The following ATXN1 variants were observed in gnomAD, a reference collection of about 807,000 sequenced individuals.
ATXN1 encodes ataxin-1.
Under a neutral mutation model 56.4 loss-of-function variants are expected in ATXN1, and 8 were observed. The ratio of observed to expected loss-of-function variants is 0.14; its 90% confidence interval spans 0.08 to 0.26. The LOEUF is 0.26. ATXN1 is among the 10% of genes least tolerant of loss of function. ATXN1 has a pLI of 1.00. For synonymous variants in ATXN1, 514 were observed against 494.6 expected, an observed-to-expected ratio of 1.04 and a Z score of -0.52; for missense variants, 987 against 1,106.5, an observed-to-expected ratio of 0.89 and a Z score of 1.53.
At chr6:16,653,674 A>G (rs1406784355) in intron 3 of ATXN1, among the ~76,000 whole-genome samples, 1 of 152,184 alleles carries the variant, frequency 6.6e-6, no homozygotes, top group Non-Finnish European at 1.5e-5. Flanking sequence ...CAAAAGATAA[A>G]GAGACAAAAA....
intron 2 of ATXN1, among the ~76,000 whole-genome samples, chr6:16,682,066 C>T (rs1758823623): frequency 1.3e-5 from 2 of 152,238 alleles, no homozygotes; most frequent in African/African-American, 2.4e-5. Flanking sequence ...TACCTGCCAA[C>T]ATCTGTATCT....
chr6:16,648,014 G>A (rs1285467588), intron 3 of ATXN1, among the ~76,000 whole-genome samples: 1 of 152,212 alleles, frequency 6.6e-6, no homozygotes, highest in Non-Finnish European at 1.5e-5. Flanking sequence ...GGCGGAGGCT[G>A]CAGTGAGCCG....
At chr6:16,461,377 T>G (rs1231027054) in intron 6 of ATXN1, among the ~76,000 whole-genome samples, 1 of 152,174 alleles carries the variant, frequency 6.6e-6, no homozygotes, top group East Asian at 1.9e-4. Flanking sequence ...TTGAGAACAC[T>G]CATCAAATGG....
chr6:16,346,621 T>C (rs1224885243), intron 6 of ATXN1, among the ~76,000 whole-genome samples: 1 of 152,244 alleles, frequency 6.6e-6, no homozygotes, highest in Non-Finnish European at 1.5e-5. Context: ...TGATAACTCG[T>C]GACTTTAGGA....
intron 6 of ATXN1, among the ~76,000 whole-genome samples, chr6:16,464,407 A>G (rs1296130703): frequency 6.6e-6 from 1 of 152,134 alleles, no homozygotes; most frequent in Non-Finnish European, 1.5e-5. Context: ...ATAAGGGAAT[A>G]AAAGCTGGCC....
intron 6 of ATXN1, among the ~76,000 whole-genome samples, chr6:16,406,207 C>T (rs765062799): frequency 1.4e-4 from 22 of 152,228 alleles, no homozygotes; most frequent in Middle Eastern, 6.8e-3. Flanking sequence ...AAAAGTGGAA[C>T]ATGTGAAGGA....
chr6:16,657,632 C>T (rs975435044), intron 3 of ATXN1, 144 bp downstream of exon 3: 6 of 152,196 alleles, frequency 3.9e-5, no homozygotes, highest in Non-Finnish European at 8.8e-5. Flanking sequence ...TGCTCTGTCA[C>T]TAGGACAACA....
At chr6:16,629,131 A>C (rs1395609731) in intron 3 of ATXN1, among the ~76,000 whole-genome samples, 2 of 152,120 alleles carry the variant, frequency 1.3e-5, no homozygotes, top group Non-Finnish European at 2.9e-5. Context: ...ATCAGCATCC[A>C]ACTGGTTATT....
intron 4 of ATXN1, among the ~76,000 whole-genome samples, chr6:16,545,617 TG>T (rs1020681559): frequency 1.1e-4 from 17 of 152,242 alleles, no homozygotes; most frequent in African/African-American, 3.6e-4. Flanking sequence ...AACAACCTTG[TG>T]GGGTGGTTGA....
At chr6:16,656,731 A>G (rs749009907) in intron 3 of ATXN1, among the ~76,000 whole-genome samples, 2 of 152,166 alleles carry the variant, frequency 1.3e-5, no homozygotes, top group Non-Finnish European at 2.9e-5. Flanking sequence ...TGACAGGGAT[A>G]TGCTCTGAGA....
chr6:16,466,644 G>A (rs1038825223), intron 6 of ATXN1, among the ~76,000 whole-genome samples: 5 of 152,056 alleles, frequency 3.3e-5, no homozygotes, highest in South Asian at 4.2e-4. Context: ...AAGAAATTTC[G>A]GAAAAGTAGA....
chr6:16,759,841 A>T (rs1761014277), intron 1 of ATXN1, among the ~76,000 whole-genome samples: 1 of 152,020 alleles, frequency 6.6e-6, no homozygotes, highest in Admixed American at 6.5e-5. Flanking sequence ...TCTGAAACAA[A>T]ATGAAAGCAC....
chr6:16,413,189 ACT>A (rs1758836887), intron 6 of ATXN1, among the ~76,000 whole-genome samples: 2 of 152,148 alleles, frequency 1.3e-5, no homozygotes, highest in South Asian at 2.1e-4. Flanking sequence ...AGAAATGATG[ACT>A]CTATTTAAAG....
At chr6:16,401,861 G>A (rs537507718) in intron 6 of ATXN1, among the ~76,000 whole-genome samples, 1 of 152,212 alleles carries the variant, frequency 6.6e-6, no homozygotes, top group East Asian at 1.9e-4. Flanking sequence ...TGTTGATAAA[G>A]ACATACCCGA....
At chr6:16,528,938 G>A (rs1278332113) in intron 4 of ATXN1, among the ~76,000 whole-genome samples, 1 of 152,126 alleles carries the variant, frequency 6.6e-6, no homozygotes, top group Non-Finnish European at 1.5e-5. Flanking sequence ...CAGCACTTTG[G>A]GAAGCCGAGG....
At chr6:16,336,246 C>A (rs773152239) in intron 6 of ATXN1, among the ~76,000 whole-genome samples, 2 of 152,142 alleles carry the variant, frequency 1.3e-5, no homozygotes, top group Non-Finnish European at 2.9e-5. Flanking sequence ...AACCATGATG[C>A]GGGTTACACT....
rs1561852036 is a variant in ATXN1, at chr6:16,327,167, C to T, written c.1144G>A (p.Val382Met). The change falls in exon 7 of 8, where the codon GTG becomes ATG. Residue 382 changes from valine (V) to methionine (M), a missense_variant. Physicochemically the swap from Val to Met is conservative, Grantham distance 21. This residue lies in a region of ATXN1 where 723 missense variants were observed against 791.7 expected (regional missense o/e 0.91). Coordinates refer to ENST00000436367, the MANE Select transcript of ATXN1 (RefSeq NM_001128164.2). ...GTGTTGCTGTTGGGCAGGACCATCA[C>T]AGAGGCCCGGACCCCCGAAGGATCA... ...SRDPSGVRAS[V>M]MVLPNSNTPA... is the part of the protein sequence containing the mutation. The T allele has an allele frequency of 6.2e-7, 1 of 1,613,876 alleles. No individual in the cohort carries two copies. The highest frequency in any genetic ancestry group is 1.6e-4 in the Middle Eastern group (1 of 6,062).
chr6:16,727,546 T>G (rs904290074), intron 2 of ATXN1, among the ~76,000 whole-genome samples: 8 of 152,124 alleles, frequency 5.3e-5, no homozygotes, highest in African/African-American at 1.9e-4. Flanking sequence ...ATCATCAAAT[T>G]ACTTAATGAA....
intron 4 of ATXN1, among the ~76,000 whole-genome samples, chr6:16,566,695 T>C (rs1762228098): frequency 6.6e-6 from 1 of 151,360 alleles, no homozygotes; most frequent in African/African-American, 2.4e-5. Context: ...CTACTAAAAA[T>C]ACAAAAAAAA....
Sources: allele counts gnomAD v4.1 joint callset (sites outside exome capture counted in the v4.1 genomes callset), GRCh38; gene constraint gnomAD v4.1.1; regional missense constraint gnomAD v4.1.1; transcripts MANE v1.5; gene names NCBI Gene and HGNC (gene_info 2026-07-23, HGNC 2026-07-21).